The following UBXN4 variants were observed in gnomAD, a reference collection of about 807,000 sequenced individuals.
UBXN4 encodes the protein UBX domain-containing protein 4.
In UBXN4, 35 loss-of-function variants were observed where a neutral mutation model predicts 66.2. The observed-to-expected ratio is 0.53, with a 90% CI of 0.40 to 0.70. The LOEUF (loss-of-function observed/expected upper bound fraction) is 0.70, where lower values mean the gene tolerates loss of function less well. UBXN4 is among the 30% of genes least tolerant of loss of function. UBXN4 has a pLI of 0.00. For missense variants in UBXN4, 533 were observed against 599.8 expected, an observed-to-expected ratio of 0.89 and a Z score of 1.16; for synonymous variants, 203 against 204.5, an observed-to-expected ratio of 0.99 and a Z score of 0.06.
Position 135,783,487 on chromosome 2 carries a change from T to A in UBXN4, c.*600T>A, listed in dbSNP as rs995326107. 2.7e-5 allele frequency: 2 copies of A among 73,668 alleles called. No homozygotes were observed. Among genetic ancestry groups the A allele is most frequent in the African/African-American group, 5.1e-5 (1 of 19,792 alleles). 4.6% of individuals were successfully genotyped at this position (73,668 alleles called of 1,614,324 possible). A position where few individuals can be genotyped will look rare whatever the true frequency, so the allele number is the denominator to read the frequency against. On this transcript the variant is annotated 3_prime_UTR_variant, in exon 13 of 13. Coordinates refer to ENST00000272638, the MANE Select transcript of UBXN4 (RefSeq NM_014607.4). ...CAGGGCTCTATTGAGGTCCTATGTC[T>A]CTGATTTTTTTTTTTCCCCAGTATT...
At chr2:135,747,857 G>A (rs547989663) in intron 1 of UBXN4, 3 of 353,038 alleles carry the variant, frequency 8.5e-6, no homozygotes, top group South Asian at 4.2e-5. Flanking sequence ...CTGGCCTCAG[G>A]TGATCTACCC....
chr2:135,766,684 C>T (rs1156301107), intron 6 of UBXN4, among the ~76,000 whole-genome samples: 3 of 152,278 alleles, frequency 2.0e-5, no homozygotes, highest in Non-Finnish European at 4.4e-5. Flanking sequence ...TTACTCATAT[C>T]AGGAGACAAG....
intron 10 of UBXN4, among the ~76,000 whole-genome samples, chr2:135,776,809 G>C (rs2077417820): frequency 6.6e-6 from 1 of 152,200 alleles, no homozygotes; most frequent in African/African-American, 2.4e-5. Flanking sequence ...AGCCGGGCTG[G>C]TCTTGAACTC....
rs1043049831 is a variant in UBXN4, at chr2:135,784,242, T to C, written c.*1355T>C. The stretch of plus-strand genomic sequence containing the variant: ...GTAAAGACATACTCATTAAGTGTTA[T>C]TTATTTTACTCAAGAACTGGAAACC... On this transcript the variant is annotated 3_prime_UTR_variant, in exon 13 of 13. Transcript: ENST00000272638. 6.6e-6 allele frequency: 1 copy of C among 152,230 alleles called. No individual in the cohort carries two copies. The highest frequency in any genetic ancestry group is 1.5e-5 in the Non-Finnish European group (1 of 68,030). 9.4% of individuals were successfully genotyped at this position (152,230 alleles called of 1,614,324 possible). A position where few individuals can be genotyped will look rare whatever the true frequency, so the allele number is the denominator to read the frequency against.
chr2:135,773,120 T>C (rs867186117), intron 9 of UBXN4, among the ~76,000 whole-genome samples: 14 of 151,670 alleles, frequency 9.2e-5, no homozygotes, highest in South Asian at 2.1e-4. Flanking sequence ...ATGAATATAA[T>C]GTTTATCTCA....
Position 135,748,371 on chromosome 2 carries a change from T to C in UBXN4, c.185+2T>C. 6.4e-7 allele frequency: 1 copy of C among 1,564,372 alleles called. No homozygotes were observed. The highest frequency in any genetic ancestry group is 1.2e-5 in the South Asian group (1 of 81,004). On this transcript the variant is annotated splice_donor_variant, in intron 2 of 12. Coordinates refer to ENST00000272638, the MANE Select transcript of UBXN4 (RefSeq NM_014607.4). LOFTEE classifies it high-confidence loss of function. Reference sequence around the variant, plus strand: ...TGCTATTAAAATCGATACCAAAAGGTTTGTTTATGTTTTAATATTTTATTA... The same window carrying C: ...TGCTATTAAAATCGATACCAAAAGGCTTGTTTATGTTTTAATATTTTATTA...
Position 135,780,272 on chromosome 2 carries a change from C to T in UBXN4, c.1275C>T (p.Ile425=), listed in dbSNP as rs1403233754. 1 of 1,614,176 alleles carries T rather than the reference C, an allele frequency of 6.2e-7. No individual in the cohort carries two copies. Among genetic ancestry groups the T allele is most frequent in the East Asian group, 2.2e-5 (1 of 44,876 alleles). The change falls in exon 12 of 13, where the codon ATC becomes ATT. Residue 425 remains isoleucine, a synonymous_variant. Transcript: ENST00000272638. ...CAGTGCTTTATCCATTCCTTGCCAT[C>T]TGGAGATTAATTAGCAATTTCTTGT... ...LGTVLYPFLA[I]WRLISNFLFS...
intron 8 of UBXN4, among the ~76,000 whole-genome samples, 180 bp downstream of exon 8, chr2:135,770,915 T>G (rs2077379320): frequency 3.3e-5 from 5 of 152,220 alleles, no homozygotes; most frequent in Admixed American, 2.6e-4. Flanking sequence ...TTGAGTTGAT[T>G]TTTTTGAAGT....
Position 135,755,702 on chromosome 2 carries a change from A to C in UBXN4, c.508+11A>C. The C allele has an allele frequency of 1.3e-6, 2 of 1,484,140 alleles. No homozygotes were observed. The highest frequency in any genetic ancestry group is 1.8e-6 in the Non-Finnish European group (2 of 1,112,312). The allele number at this position is 1,484,140 out of a possible 1,614,324, so 91.9% of individuals were successfully genotyped here. Reference sequence around the variant, plus strand: ...CAGATACTGCAACAGGTAACTTTTAATGTACCTTTTTGAGTGCAATAGAAG... The same window carrying C: ...CAGATACTGCAACAGGTAACTTTTACTGTACCTTTTTGAGTGCAATAGAAG... On this transcript the variant is annotated intron_variant, in intron 5 of 12. Coordinates refer to ENST00000272638, the MANE Select transcript of UBXN4 (RefSeq NM_014607.4).
chr2:135,778,250 T>C (rs1485583839), intron 10 of UBXN4, among the ~76,000 whole-genome samples: 2 of 151,182 alleles, frequency 1.3e-5, no homozygotes, highest in Non-Finnish European at 2.9e-5. Context: ...TTGTATTTTG[T>C]GTATCTTTAG....
rs535281246 is a variant in UBXN4 at position 135,749,161 on chromosome 2, C to T, written c.185+792C>T. Among the ~76,000 whole-genome samples the T allele has an allele frequency of 5.3e-5, 8 of 152,170 alleles. No individual in the cohort carries two copies. The South Asian group carries it at 1.7e-3, about 32-fold the overall frequency. On this transcript the variant is annotated intron_variant, in intron 2 of 12. Coordinates refer to ENST00000272638, the MANE Select transcript of UBXN4 (RefSeq NM_014607.4). ...CCTGCTGAAAAAACTTTAAGCTTTC[C>T]TACTCTACCAAGCAGCCATCTAACA...
chr2:135,743,429 G>GT (rs963918949), intron 1 of UBXN4, among the ~76,000 whole-genome samples: 5 of 152,150 alleles, frequency 3.3e-5, no homozygotes, highest in African/African-American at 1.2e-4. Context: ...ATTTTAAATT[G>GT]TTTTTCTCCT....
At chr2:135,768,650 G>A (rs989517329) in intron 6 of UBXN4, among the ~76,000 whole-genome samples, 5 of 151,168 alleles carry the variant, frequency 3.3e-5, no homozygotes, top group African/African-American at 4.9e-5. Flanking sequence ...TGCAACTTCC[G>A]CCTCCCAGGT....
intron 1 of UBXN4, among the ~76,000 whole-genome samples, chr2:135,744,562 G>A (rs2077195100): frequency 1.3e-5 from 2 of 152,184 alleles, no homozygotes; most frequent in South Asian, 2.1e-4. Context: ...AATGATAGAC[G>A]CCATTTTCTG....
At chr2:135,756,646 T>C (rs1273066808) in intron 5 of UBXN4, among the ~76,000 whole-genome samples, 1 of 152,220 alleles carries the variant, frequency 6.6e-6, no homozygotes, top group East Asian at 1.9e-4. Context: ...ATAATTACTT[T>C]AATTGTATTT....
In UBXN4 at chr2:135,778,977, G is replaced by A. The variant is rs376636890; in HGVS notation, c.1083G>A (p.Ser361=). 8.1e-6 allele frequency: 13 copies of A among 1,611,112 alleles called. No homozygotes were observed. Among genetic ancestry groups the A allele is most frequent in the South Asian group, 6.6e-5 (6 of 90,250 alleles). Residue 361 remains serine (S), a synonymous_variant, in exon 11 of 13, where the codon TCG becomes TCA. Transcript: ENST00000272638. ...TTGGCAACACTTACGGTAATTTTTC[G>A]TTAGCAACCATGTTTCCCAGGAGGG... ...QTVGNTYGNF[S]LATMFPRREF...
At chr2:135,744,080 G>A (rs1271355349) in intron 1 of UBXN4, among the ~76,000 whole-genome samples, 1 of 152,222 alleles carries the variant, frequency 6.6e-6, no homozygotes, top group African/African-American at 2.4e-5. Context: ...CACTCTAGGA[G>A]TATGTAGATA....
chr2:135,772,395 A>T, intron 8 of UBXN4, 25 bp from the exon 9 acceptor site: 1 of 1,609,384 alleles, frequency 6.2e-7, no homozygotes, highest in Non-Finnish European at 8.5e-7. Context: ...AGTAAAGGTA[A>T]TTGGTATTTA....
Position 135,784,919 on chromosome 2 carries a change from G to C in UBXN4, c.*2032G>C, listed in dbSNP as rs952942252. 6.6e-6 allele frequency: 1 copy of C among 152,090 alleles called. No individual in the cohort carries two copies. The highest frequency in any genetic ancestry group is 1.5e-5 in the Non-Finnish European group (1 of 67,982). The allele number at this position is 152,090 out of a possible 1,614,324, so 9.4% of individuals were successfully genotyped here. ...TATAAGGCTGTAAAATGAGAATTCT[G>C]CCCCCTCACCTCTTACCCCAGTACT... On this transcript the variant is annotated 3_prime_UTR_variant, in exon 13 of 13. Coordinates refer to ENST00000272638, the MANE Select transcript of UBXN4 (RefSeq NM_014607.4).
Sources: allele counts gnomAD v4.1 joint callset (sites outside exome capture counted in the v4.1 genomes callset), GRCh38; gene constraint gnomAD v4.1.1; transcripts MANE v1.5; gene names NCBI Gene and HGNC (gene_info 2026-07-23, HGNC 2026-07-21).